Variants in EXOC6B observed in about 807,000 individuals in gnomAD.
The protein encoded by EXOC6B is exocyst complex component 6B.
EXOC6B carries 54 observed loss-of-function variants against 113.5 expected under a neutral mutation model. The observed-to-expected ratio is 0.48, with a 90% CI of 0.38 to 0.60. The LOEUF (loss-of-function observed/expected upper bound fraction) is 0.60. EXOC6B is among the 20% of genes least tolerant of loss of function. The probability of loss-of-function intolerance (pLI) is 0.00; values close to 1 mark genes in which losing one functional copy is unlikely to be tolerated. For synonymous variants in EXOC6B, 357 were observed against 339.0 expected (o/e 1.05, Z -0.58); for missense variants, 797 against 977.5 (o/e 0.82, Z 2.46).
At chr2:72,680,811 C>T (rs1297643562) in intron 6 of EXOC6B, among the ~76,000 whole-genome samples, 1 of 151,978 alleles carries the variant, frequency 6.6e-6, no homozygotes, top group Non-Finnish European at 1.5e-5. Context: ...TTTATATAAC[C>T]CTTTTCCATC....
At chr2:72,330,001 T>G (rs1688338361) in intron 20 of EXOC6B, among the ~76,000 whole-genome samples, 1 of 152,096 alleles carries the variant, frequency 6.6e-6, no homozygotes, top group African/African-American at 2.4e-5. Flanking sequence ...CCTAGATATC[T>G]TGGGATGGCT....
intron 1 of EXOC6B, among the ~76,000 whole-genome samples, chr2:72,757,041 T>A (rs1480794694): frequency 6.6e-6 from 1 of 152,186 alleles, no homozygotes; most frequent in Non-Finnish European, 1.5e-5. Context: ...TTTTTTCTAT[T>A]TCTGTATTAC....
chr2:72,652,073 T>G (rs533126292), intron 6 of EXOC6B, among the ~76,000 whole-genome samples: 1 of 152,218 alleles, frequency 6.6e-6, no homozygotes, highest in African/African-American at 2.4e-5. Flanking sequence ...TTTTACAAAT[T>G]AGTCAATATT....
At chr2:72,201,609 G>A (rs1679500056) in intron 20 of EXOC6B, among the ~76,000 whole-genome samples, 1 of 152,170 alleles carries the variant, frequency 6.6e-6, no homozygotes, top group African/African-American at 2.4e-5. Flanking sequence ...AGAAAGCACA[G>A]TAAAGCTGAC....
At chr2:72,269,014 A>T (rs912673526) in intron 20 of EXOC6B, among the ~76,000 whole-genome samples, 4 of 152,212 alleles carry the variant, frequency 2.6e-5, no homozygotes, top group Admixed American at 6.5e-5. Context: ...AAAAGCATTT[A>T]AAAAATCCCA....
At chr2:72,313,748 A>G (rs145083802) in intron 20 of EXOC6B, among the ~76,000 whole-genome samples, 100 of 152,286 alleles carry the variant, frequency 6.6e-4, no homozygotes, top group African/African-American at 2.3e-3. Context: ...ATAAAATTAC[A>G]GCTTTTACAT....
intron 1 of EXOC6B, among the ~76,000 whole-genome samples, chr2:72,824,336 C>T (rs184669970): frequency 6.6e-6 from 1 of 152,130 alleles, no homozygotes; most frequent in East Asian, 1.9e-4. Flanking sequence ...CAGTGAGCTA[C>T]GATCACATCA....
At chr2:72,410,136 G>A (rs188664670) in intron 18 of EXOC6B, among the ~76,000 whole-genome samples, 3 of 152,124 alleles carry the variant, frequency 2.0e-5, no homozygotes, top group African/African-American at 7.2e-5. Flanking sequence ...GACAGTTTCT[G>A]CTTATTCTTC....
chr2:72,474,913 G>T (rs1698639608), intron 17 of EXOC6B, among the ~76,000 whole-genome samples: 1 of 152,100 alleles, frequency 6.6e-6, no homozygotes, highest in African/African-American at 2.4e-5. Flanking sequence ...GGTAGGGGAG[G>T]ACATTTTCCA....
chr2:72,412,134 T>C (rs1049577035), intron 18 of EXOC6B, among the ~76,000 whole-genome samples: 1 of 151,294 alleles, frequency 6.6e-6, no homozygotes, highest in Admixed American at 6.6e-5. Flanking sequence ...AGAATGTAAG[T>C]CAAAGATATA....
chr2:72,492,820 T>C (rs756493101), intron 15 of EXOC6B, among the ~76,000 whole-genome samples: 1 of 152,262 alleles, frequency 6.6e-6, no homozygotes, highest in Non-Finnish European at 1.5e-5. Flanking sequence ...TCTTTACCTT[T>C]CATTTTCACC....
At chr2:72,462,033 T>C (rs1697716718) in intron 18 of EXOC6B, 1 of 152,058 alleles carries the variant, frequency 6.6e-6, no homozygotes, top group South Asian at 2.1e-4. Flanking sequence ...CCTAAACAAA[T>C]TTACTTGATA....
chr2:72,362,190 C>CT (rs1465187391), intron 19 of EXOC6B, among the ~76,000 whole-genome samples: 4 of 152,138 alleles, frequency 2.6e-5, no homozygotes, highest in Non-Finnish European at 5.9e-5. Flanking sequence ...TCTATCCCTC[C>CT]TTTTCATGGA....
chr2:72,631,461 T>TATAG (rs1672453753), intron 6 of EXOC6B, among the ~76,000 whole-genome samples: 1 of 9,746 alleles, frequency 1.0e-4, no homozygotes, highest in Non-Finnish European at 2.5e-4. Flanking sequence ...TATATATATA[T>TATAG]AGAGAGAGAG....
intron 19 of EXOC6B, among the ~76,000 whole-genome samples, chr2:72,343,688 T>C (rs922232514): frequency 6.6e-6 from 1 of 152,126 alleles, no homozygotes; most frequent in Non-Finnish European, 1.5e-5. Flanking sequence ...TTTTCAGATA[T>C]GTATATAAAA....
At chr2:72,580,088 A>C (rs888834037) in intron 6 of EXOC6B, among the ~76,000 whole-genome samples, 2 of 150,054 alleles carry the variant, frequency 1.3e-5, no homozygotes, top group African/African-American at 2.4e-5. Context: ...AACGAAAAAC[A>C]AAAAAAAGCA....
At chr2:72,657,600 G>C (rs1674690540) in intron 6 of EXOC6B, among the ~76,000 whole-genome samples, 1 of 33,604 alleles carries the variant, frequency 3.0e-5, no homozygotes. Context: ...TTTTTGTGGA[G>C]CTTTTGAGCA....
At chr2:72,570,588 G>A (rs183712610) in intron 7 of EXOC6B, among the ~76,000 whole-genome samples, 1 of 152,296 alleles carries the variant, frequency 6.6e-6, no homozygotes, top group Admixed American at 6.5e-5. Flanking sequence ...GACAAGTGGT[G>A]TGGATGACAT....
chr2:72,697,260 T>C (rs1304661767), intron 6 of EXOC6B, among the ~76,000 whole-genome samples: 3 of 152,114 alleles, frequency 2.0e-5, no homozygotes, highest in South Asian at 2.1e-4. Context: ...CATTTATAAA[T>C]ACAGATATTG....
Sources: gnomAD v4.1 joint callset for allele counts (sites outside exome capture counted in the v4.1 genomes callset) on GRCh38, gnomAD v4.1.1 for gene constraint, MANE v1.5 for transcripts, NCBI Gene and HGNC (gene_info 2026-07-23, HGNC 2026-07-21) for gene names.